CTDP1: variants seen among roughly 807,000 people sequenced by gnomAD.
CTDP1 encodes CTD phosphatase 1.
CTDP1 carries 47 observed loss-of-function variants against 91.8 expected under a neutral mutation model. The ratio of observed to expected loss-of-function variants is 0.51; its 90% confidence interval spans 0.41 to 0.65. The LOEUF is 0.65. Among genes scored for constraint, CTDP1 ranks in the 30% least tolerant of loss-of-function variants. The probability of loss-of-function intolerance (pLI) is 0.00; values close to 1 mark genes in which losing one functional copy is unlikely to be tolerated. For synonymous variants in CTDP1, 656 were observed against 598.5 expected, an observed-to-expected ratio of 1.10 and a Z score of -1.40; for missense variants, 1,272 against 1,373.7, an observed-to-expected ratio of 0.93 and a Z score of 1.17.
Position 79,717,938 on chromosome 18 carries a change from A to G in CTDP1, c.2339A>G (p.Lys780Arg). 2 of 1,613,558 alleles carry G rather than the reference A, an allele frequency of 1.2e-6. No individual in the cohort carries two copies. Among genetic ancestry groups the G allele is most frequent in the Non-Finnish European group, 1.7e-6 (2 of 1,179,988 alleles). ...EVRIYDSNTG[K>R]LIRTGARGPP... The stretch of plus-strand genomic sequence containing the variant: ...CGGATCTACGACTCCAACACGGGGA[A>G]GCTCATCAGGACGGGCGCCCGGGGG... Residue 780 changes from lysine (K) to arginine (R), a missense_variant, in exon 10 of 13, where the codon AAG (lysine) becomes AGG (arginine). This residue lies in a region of CTDP1 where 881 missense variants were observed against 911.6 expected (regional missense o/e 0.97). Coordinates refer to ENST00000613122, the MANE Select transcript of CTDP1 (RefSeq NM_004715.5).
intron 12 of CTDP1, among the ~76,000 whole-genome samples, chr18:79,751,794 TCA>T (rs1297404468): frequency 6.6e-6 from 1 of 152,198 alleles, no homozygotes; most frequent in East Asian, 1.9e-4. Context: ...TGTGGCTGTA[TCA>T]CACATAATGT....
Position 79,715,375 on chromosome 18 carries a change from A to C in CTDP1, c.1915A>C (p.Ile639Leu), listed in dbSNP as rs79944224. The C allele has an allele frequency of 1.9e-6, 3 of 1,608,002 alleles. No individual in the cohort carries two copies. The highest frequency in any genetic ancestry group is 2.7e-5 in the African/African-American group (2 of 74,850). The part of the protein sequence containing the change: ...LKSKVLADVA[I>L]IFSGLHPTNF... ...GAGCAAGGTGCTGGCAGACGTGGCCATAATTTTCAGTGGGCTACACCCGAC... is the reference window on the plus strand; with the variant it reads ...GAGCAAGGTGCTGGCAGACGTGGCCCTAATTTTCAGTGGGCTACACCCGAC... The change falls in exon 8 of 13, where the codon ATA becomes CTA. Residue 639 changes from isoleucine to leucine, a missense_variant. This residue lies in a region of CTDP1 where 881 missense variants were observed against 911.6 expected (regional missense o/e 0.97). Transcript: ENST00000613122.
At chr18:79,732,193 G>C (rs576306450) in intron 11 of CTDP1, among the ~76,000 whole-genome samples, 2 of 131,804 alleles carry the variant, frequency 1.5e-5, no homozygotes, top group Non-Finnish European at 3.2e-5. Flanking sequence ...GTAAGAACTC[G>C]CTGTCATCAG....
chr18:79,698,296 T>TG (rs2072132483), intron 4 of CTDP1, among the ~76,000 whole-genome samples: 1 of 151,604 alleles, frequency 6.6e-6, no homozygotes, highest in Admixed American at 6.6e-5. Flanking sequence ...GTGAGGATGG[T>TG]GTGGTGGATG....
At chr18:79,719,110 C>T (rs1239694708) in intron 10 of CTDP1, among the ~76,000 whole-genome samples, 4 of 152,220 alleles carry the variant, frequency 2.6e-5, no homozygotes, top group Non-Finnish European at 5.9e-5. Context: ...CGCCAGGCAC[C>T]GCGGCAAAGC....
At chr18:79,744,905 A>G (rs1386938640) in intron 12 of CTDP1, among the ~76,000 whole-genome samples, 1 of 152,242 alleles carries the variant, frequency 6.6e-6, no homozygotes, top group African/African-American at 2.4e-5. Flanking sequence ...AGAGCAGGCC[A>G]GAGGACGCAC....
At position 79,717,929 on chromosome 18, in the gene CTDP1, A is replaced by G; in HGVS notation, c.2330A>G (p.Asn777Ser). The G allele has an allele frequency of 6.2e-7, 1 of 1,613,568 alleles. No homozygotes were observed. The highest frequency in any genetic ancestry group is 2.2e-5 in the East Asian group (1 of 44,866). Residue 777 changes from asparagine to serine, a missense_variant, in exon 10 of 13, where the codon AAC becomes AGC. Transcript: ENST00000613122. ...CCCGAGGTTCGGATCTACGACTCCA[A>G]CACGGGGAAGCTCATCAGGACGGGC... ...PGPEVRIYDSNTGKLIRTGAR... is the reference protein window; with the variant it reads ...PGPEVRIYDSSTGKLIRTGAR...
At chr18:79,704,388 A>G (rs1481049541) in intron 4 of CTDP1, among the ~76,000 whole-genome samples, 1 of 150,326 alleles carries the variant, frequency 6.7e-6, no homozygotes, top group African/African-American at 2.5e-5. Context: ...CCTCTGTCCC[A>G]TGCCCACGTG....
intron 12 of CTDP1, among the ~76,000 whole-genome samples, chr18:79,739,081 C>G (rs1307510422): frequency 6.6e-6 from 1 of 152,232 alleles, no homozygotes; most frequent in Admixed American, 6.5e-5. Context: ...TGAAGACCCT[C>G]TAGCCCGGGG....
At chr18:79,726,866 T>TG (rs2086456345) in intron 10 of CTDP1, among the ~76,000 whole-genome samples, 1 of 13,418 alleles carries the variant, frequency 7.5e-5, no homozygotes, top group African/African-American at 2.4e-4. Context: ...TGGACTGCTG[T>TG]GGGGGTGGGG....
chr18:79,742,110 AGGT>A (rs2086790016), intron 12 of CTDP1, among the ~76,000 whole-genome samples: 1 of 10,134 alleles, frequency 9.9e-5, no homozygotes, highest in Non-Finnish European at 4.0e-4. Context: ...AGGAGGCATG[AGGT>A]GGAGGCCTGG....
At chr18:79,735,169 C>T (rs950082784) in intron 11 of CTDP1, among the ~76,000 whole-genome samples, 4 of 152,096 alleles carry the variant, frequency 2.6e-5, no homozygotes, top group Admixed American at 6.5e-5. Flanking sequence ...CTCCGAACCG[C>T]GCCTGTCTCG....
intron 12 of CTDP1, among the ~76,000 whole-genome samples, chr18:79,740,382 G>A (rs1221095170): frequency 1.3e-5 from 2 of 152,236 alleles, no homozygotes; most frequent in South Asian, 2.1e-4. Context: ...GGACTTTGGG[G>A]ACCTCACTTC....
rs139242759 is a variant in CTDP1 at position 79,739,488 on chromosome 18, C to T, written c.2747+2967C>T. ...CCACGCAAGCACGATTAGAGAACCA[C>T]GCAAGCACGGAACTGACCCTCCCTG... On this transcript the variant is annotated intron_variant, in intron 12 of 12. Transcript: ENST00000613122. 2.0e-3 allele frequency among the ~76,000 whole-genome samples: 300 copies of T among 152,080 alleles called. 1 individual carries two copies. The highest frequency in any genetic ancestry group is 6.9e-3 in the African/African-American group (285 of 41,470).
At chr18:79,704,957 G>A in intron 5 of CTDP1, 40 bp downstream of exon 5, 1 of 1,610,524 alleles carries the variant, frequency 6.2e-7, no homozygotes, top group East Asian at 2.2e-5. Flanking sequence ...GTGAACAGTG[G>A]GTTTCTTTCC....
At chr18:79,706,323 A>G (rs929926134) in intron 5 of CTDP1, among the ~76,000 whole-genome samples, 3 of 152,156 alleles carry the variant, frequency 2.0e-5, no homozygotes, top group Admixed American at 6.5e-5. Context: ...CTGTGTGGAA[A>G]TAGACCCCCA....
intron 3 of CTDP1, among the ~76,000 whole-genome samples, chr18:79,696,999 C>T (rs1350339141): frequency 6.6e-6 from 1 of 152,214 alleles, no homozygotes; most frequent in African/African-American, 2.4e-5. Flanking sequence ...AAATGATGGA[C>T]ACCAATTTCA....
chr18:79,748,681 A>C (rs1197691864), intron 12 of CTDP1, among the ~76,000 whole-genome samples: 3 of 152,194 alleles, frequency 2.0e-5, no homozygotes, highest in African/African-American at 7.2e-5. Context: ...GTGGATCCAC[A>C]AGAAACTGTT....
Position 79,679,953 on chromosome 18 carries a change from G to A in CTDP1, c.6G>A (p.Glu2=), listed in dbSNP as rs1468065862. The change falls in exon 1 of 13, where the codon GAG becomes GAA. Residue 2 remains glutamate (E), a synonymous_variant. Coordinates refer to ENST00000613122, the MANE Select transcript of CTDP1 (RefSeq NM_004715.5). The part of the protein sequence containing the change: M[E]VPAAGRVPAE... Reference sequence around the variant, plus strand: ...CCGCCCGCCCTCTGTCCGCGATGGAGGTGCCGGCCGCGGGTCGCGTTCCTG... The same window carrying A: ...CCGCCCGCCCTCTGTCCGCGATGGAAGTGCCGGCCGCGGGTCGCGTTCCTG... 1.7e-5 allele frequency: 23 copies of A among 1,382,542 alleles called. No individual in the cohort carries two copies. In the Admixed American group the frequency reaches 3.1e-4, roughly 18 times the overall value. 85.6% of individuals were successfully genotyped at this position (1,382,542 alleles called of 1,614,324 possible).
Sources: gnomAD v4.1 joint callset for allele counts (sites outside exome capture counted in the v4.1 genomes callset) on GRCh38, gnomAD v4.1.1 for gene constraint, gnomAD v4.1.1 regional missense constraint, MANE v1.5 for transcripts, NCBI Gene and HGNC (gene_info 2026-07-23, HGNC 2026-07-21) for gene names.